The following TMEM143 variants were observed in gnomAD, a reference collection of about 807,000 sequenced individuals.
TMEM143 encodes transmembrane protein 143.
In TMEM143, 45 loss-of-function variants were observed where a neutral mutation model predicts 40.3. That is an observed-to-expected ratio of 1.12 (90% CI 0.88 to 1.43). The LOEUF is 1.43. Among genes scored for constraint, TMEM143 ranks in the 40% most tolerant of loss-of-function variants. The probability of loss-of-function intolerance (pLI) is 0.00; values close to 1 mark genes in which losing one functional copy is unlikely to be tolerated. For synonymous variants in TMEM143, 299 were observed against 282.7 expected (o/e 1.06, Z -0.58); for missense variants, 620 against 613.4 (o/e 1.01, Z -0.11).
chr19:48,347,603 C>T (rs910752024), intron 3 of TMEM143, among the ~76,000 whole-genome samples: 2 of 145,884 alleles, frequency 1.4e-5, no homozygotes, highest in African/African-American at 2.6e-5. Flanking sequence ...GTTGCCCAGG[C>T]GGCAGTGCAG....
intron 3 of TMEM143, among the ~76,000 whole-genome samples, chr19:48,346,782 T>C (rs750975902): frequency 1.1e-4 from 16 of 152,102 alleles, no homozygotes; most frequent in Non-Finnish European, 1.8e-4. Flanking sequence ...TTCACCATGT[T>C]GGCCAGGCTG....
intron 6 of TMEM143, among the ~76,000 whole-genome samples, chr19:48,336,238 C>A (rs1222785459): frequency 1.3e-5 from 2 of 151,972 alleles, no homozygotes; most frequent in East Asian, 3.9e-4. Flanking sequence ...AAAAATTAGA[C>A]CTGGCACGGT....
intron 2 of TMEM143, among the ~76,000 whole-genome samples, chr19:48,361,438 A>C (rs910878036): frequency 2.0e-5 from 3 of 151,896 alleles, no homozygotes; most frequent in Non-Finnish European, 4.4e-5. Flanking sequence ...GGCTGGTCTC[A>C]AACTCATGAC....
chr19:48,355,301 G>A (rs1392897875), intron 3 of TMEM143, among the ~76,000 whole-genome samples: 1 of 151,978 alleles, frequency 6.6e-6, no homozygotes, highest in Non-Finnish European at 1.5e-5. Flanking sequence ...AAAGTGCTCA[G>A]ATCACAGACA....
chr19:48,353,903 G>C (rs1038422162), intron 3 of TMEM143, among the ~76,000 whole-genome samples: 5 of 151,642 alleles, frequency 3.3e-5, no homozygotes, highest in Admixed American at 3.3e-4. Context: ...AGCCAGGAGA[G>C]ACACCATAGA....
At chr19:48,336,202 T>C (rs1303612438) in intron 6 of TMEM143, among the ~76,000 whole-genome samples, 1 of 152,026 alleles carries the variant, frequency 6.6e-6, no homozygotes, top group Non-Finnish European at 1.5e-5. Flanking sequence ...GGCAACATGG[T>C]GAAACCCCAT....
chr19:48,343,702 TCTAC>T (rs1398434983), intron 4 of TMEM143, among the ~76,000 whole-genome samples: 1 of 152,164 alleles, frequency 6.6e-6, no homozygotes. Flanking sequence ...TGCCACTGAC[TCTAC>T]CTGATTATTT....
chr19:48,361,475 C>T (rs1332705487), intron 2 of TMEM143, among the ~76,000 whole-genome samples: 1 of 151,930 alleles, frequency 6.6e-6, no homozygotes, highest in Non-Finnish European at 1.5e-5. Flanking sequence ...GCATCGACTT[C>T]CCAAAGTGCT....
chr19:48,363,314 G>A lies in TMEM143; in HGVS notation c.241C>T (p.Gln81Ter), dbSNP rs988010170. 6.2e-7 allele frequency: 1 copy of A among 1,614,106 alleles called. No individual in the cohort carries two copies. Among genetic ancestry groups the A allele is most frequent in the Non-Finnish European group, 8.5e-7 (1 of 1,180,002 alleles). Residue 81 changes from glutamine (Q) to a stop codon, truncating the protein, a stop_gained, in exon 2 of 8, where the codon CAG becomes TAG. Transcript: ENST00000293261. LOFTEE classifies it high-confidence loss of function. ...RERFIPFSKE[Q>*]LLRLLIQEFH... ...ACCTGTATTAGGAGGCGGAGCAGCT[G>A]CTCCTTGGAGAAGGGAATGAAGCGC... is the stretch of plus-strand genomic sequence containing the variant.
chr19:48,333,967 G>A lies in TMEM143; in HGVS notation c.1165+41C>T. ...TCTCGCTGGGGCGGGGCCTCGCGGG[G>A]GTGTGGCCCCTGGGGGCAGGGTCCC... On this transcript the variant is annotated intron_variant, in intron 7 of 7. Coordinates refer to ENST00000293261, the MANE Select transcript of TMEM143 (RefSeq NM_018273.4). The surrounding 1 kb of genome is among the most constrained non-coding windows in gnomAD (Gnocchi z 4.1). 6.7e-7 allele frequency: 1 copy of A among 1,487,004 alleles called. No individual in the cohort carries two copies. Among genetic ancestry groups the A allele is most frequent in the Non-Finnish European group, 8.9e-7 (1 of 1,118,480 alleles). 92.1% of individuals were successfully genotyped at this position (1,487,004 alleles called of 1,614,324 possible). A position where few individuals can be genotyped will look rare whatever the true frequency, so the allele number is the denominator to read the frequency against.
chr19:48,335,748 G>A (rs1006349029), intron 6 of TMEM143, among the ~76,000 whole-genome samples: 1 of 151,944 alleles, frequency 6.6e-6, no homozygotes, highest in Non-Finnish European at 1.5e-5. Context: ...ATAATAATTA[G>A]CTGGGTGTGA....
chr19:48,339,925 C>T (rs1330959095), intron 6 of TMEM143, among the ~76,000 whole-genome samples: 1 of 151,590 alleles, frequency 6.6e-6, no homozygotes, highest in African/African-American at 2.4e-5. Context: ...GATGGGGTTT[C>T]ACTACGTTGG....
chr19:48,338,401 C>T (rs1041603414), intron 6 of TMEM143, among the ~76,000 whole-genome samples: 2 of 152,208 alleles, frequency 1.3e-5, no homozygotes, highest in Non-Finnish European at 2.9e-5. Flanking sequence ...AGCTCCGTGG[C>T]CCGGCACACG....
chr19:48,344,726 G>C (rs1332307201), intron 4 of TMEM143, among the ~76,000 whole-genome samples: 1 of 151,158 alleles, frequency 6.6e-6, no homozygotes, highest in African/African-American at 2.4e-5. Context: ...TTTTTTTCCA[G>C]ATGGAGTTTC....
chr19:48,346,798 G>A (rs561375747), intron 3 of TMEM143, among the ~76,000 whole-genome samples: 17 of 152,108 alleles, frequency 1.1e-4, no homozygotes, highest in South Asian at 4.1e-4. Context: ...GGCTGGTCTC[G>A]AACTCCTGAC....
chr19:48,339,439 G>A (rs572213979), intron 6 of TMEM143, among the ~76,000 whole-genome samples: 4 of 152,268 alleles, frequency 2.6e-5, no homozygotes, highest in South Asian at 2.1e-4. Context: ...CCCATACTCC[G>A]CATCCCGCAC....
At chr19:48,351,394 T>C (rs1011861900) in intron 3 of TMEM143, among the ~76,000 whole-genome samples, 2 of 152,132 alleles carry the variant, frequency 1.3e-5, no homozygotes, top group African/African-American at 4.8e-5. Flanking sequence ...CTCCCTGGCC[T>C]GGGAGCTGTT....
intron 3 of TMEM143, among the ~76,000 whole-genome samples, chr19:48,353,296 C>T (rs1207263928): frequency 6.6e-6 from 1 of 151,738 alleles, no homozygotes; most frequent in Admixed American, 6.6e-5. Context: ...TCTCCTGCCT[C>T]AGCCTCCACA....
chr19:48,347,034 G>T (rs1969650680), intron 3 of TMEM143, among the ~76,000 whole-genome samples: 1 of 152,062 alleles, frequency 6.6e-6, no homozygotes, highest in Admixed American at 6.6e-5. Context: ...CTCACAAACT[G>T]GCATCTAACC....
Sources: gnomAD v4.1 joint callset for allele counts (sites outside exome capture counted in the v4.1 genomes callset) on GRCh38, gnomAD v4.1.1 for gene constraint, Gnocchi (gnomAD v3.1) non-coding constraint, MANE v1.5 for transcripts, NCBI Gene and HGNC (gene_info 2026-07-23, HGNC 2026-07-21) for gene names.